Variants in WDR3 observed in about 807,000 individuals in gnomAD.
The protein encoded by WDR3 is WD repeat domain 3.
Under a neutral mutation model 123.7 loss-of-function variants are expected in WDR3, and 81 were observed. That is an observed-to-expected ratio of 0.65 (90% CI 0.55 to 0.79). The LOEUF (loss-of-function observed/expected upper bound fraction) is 0.79. Ranked by LOEUF, WDR3 falls within the 30% of genes least tolerant of loss-of-function variation. The probability of loss-of-function intolerance (pLI) is 0.00; values close to 1 mark genes in which losing one functional copy is unlikely to be tolerated. For missense variants in WDR3, 1,027 were observed against 1,123.2 expected (o/e 0.91, Z 1.22); for synonymous variants, 390 against 388.8 (o/e 1.00, Z -0.04).
chr1:117,952,692 G>T (rs759931011), intron 19 of WDR3, 30 bp downstream of exon 19: 1 of 1,607,686 alleles, frequency 6.2e-7, no homozygotes. Context: ...TTACAAATAT[G>T]CCAGTAGGTA....
chr1:117,942,548 A>C lies in WDR3; in HGVS notation c.1097+4A>C, dbSNP rs903036897. ...TAAAAACTTCTGCCAAAATCAAGTG[A>C]GTAAAAATAAATTATCTGAAGTTAT... On this transcript the variant is annotated splice_donor_region_variant and intron_variant, in intron 10 of 26. Transcript: ENST00000349139. The C allele has an allele frequency of 1.2e-6, 2 of 1,609,542 alleles. No homozygotes were observed. The highest frequency in any genetic ancestry group is 2.7e-5 in the African/African-American group (2 of 74,834).
At position 117,934,674 on chromosome 1, in the gene WDR3, G is replaced by A; in HGVS notation, c.373G>A (p.Gly125Arg). The A allele has an allele frequency of 6.2e-7, 1 of 1,613,094 alleles. No individual in the cohort carries two copies. Among genetic ancestry groups the A allele is most frequent in the Non-Finnish European group, 8.5e-7 (1 of 1,179,862 alleles). The change falls in exon 3 of 27, where the codon GGG (glycine) becomes AGG (arginine). Residue 125 changes from glycine (G) to arginine (R), a missense_variant. Coordinates refer to ENST00000349139, the MANE Select transcript of WDR3 (RefSeq NM_006784.3). Reference protein sequence around the residue: ...YDQLGGRLASGSKDTDIIVWD... With the variant: ...YDQLGGRLASRSKDTDIIVWD... ...TCAGCTAGGAGGCAGACTGGCATCT[G>A]GGTCCAAGGTGAGCCTTTGAATCAG... is the stretch of plus-strand genomic sequence containing the variant.
chr1:117,957,290 T>C, intron 25 of WDR3, 94 bp downstream of exon 25: 1 of 1,429,384 alleles, frequency 7.0e-7, no homozygotes, highest in Middle Eastern at 1.8e-4. Context: ...GATTAAGAAA[T>C]AGTATGCCGA....
At position 117,963,596 on chromosome 1, in the gene WDR3, C is replaced by G. The variant is rs1653407262; in HGVS notation, c.*4149C>G. 1 of 364,684 alleles carries G rather than the reference C, an allele frequency of 2.7e-6. No individual in the cohort carries two copies. Among genetic ancestry groups the G allele is most frequent in the South Asian group, 4.4e-5 (1 of 22,652 alleles). The allele number at this position is 364,684 out of a possible 1,614,324, so 22.6% of individuals were successfully genotyped here. A position where few individuals can be genotyped will look rare whatever the true frequency, so the allele number is the denominator to read the frequency against. ...AGCCAGGATGGTCTCGATCTCCTGACCTTGTGATCCACCCACCTCGGCCTC... is the reference window on the plus strand; with the variant it reads ...AGCCAGGATGGTCTCGATCTCCTGAGCTTGTGATCCACCCACCTCGGCCTC... On this transcript the variant is annotated 3_prime_UTR_variant, in exon 27 of 27. Transcript: ENST00000349139.
chr1:117,952,475 A>G (rs1651659498), intron 18 of WDR3, 53 bp from the exon 19 acceptor site: 3 of 1,600,098 alleles, frequency 1.9e-6, no homozygotes, highest in Admixed American at 1.7e-5. Context: ...TACATTACCC[A>G]CTAAGTAGTG....
intron 3 of WDR3, among the ~76,000 whole-genome samples, 187 bp downstream of exon 3, chr1:117,934,869 CAT>C (rs1650859527): frequency 1.3e-5 from 2 of 152,114 alleles, no homozygotes; most frequent in African/African-American, 4.8e-5. Flanking sequence ...TTCATTTTGT[CAT>C]ATTTTCTGAT....
At chr1:117,944,733 G>A (rs1421263070) in intron 11 of WDR3, among the ~76,000 whole-genome samples, 3 of 152,088 alleles carry the variant, frequency 2.0e-5, no homozygotes, top group East Asian at 1.9e-4. Context: ...ACAGAGGCTC[G>A]CTCTGTCGCC....
chr1:117,946,662 C>G (rs980819319), intron 12 of WDR3, among the ~76,000 whole-genome samples: 2 of 151,984 alleles, frequency 1.3e-5, no homozygotes, highest in Non-Finnish European at 1.5e-5. Context: ...GTAATTTGGG[C>G]CGGGCGCAGT....
In WDR3 at chr1:117,939,592, A is replaced by G. The variant is rs772085364; in HGVS notation, c.675+20A>G. 6 of 1,608,776 alleles carry G rather than the reference A, an allele frequency of 3.7e-6. No homozygotes were observed. The highest frequency in any genetic ancestry group is 1.1e-5 in the South Asian group (1 of 90,986). On this transcript the variant is annotated intron_variant, in intron 6 of 26. Transcript: ENST00000349139. ...CAAGAGGTAATTACTTCTTAAAATCATGGGCAATATGTTTAGAAGTTTCAT... is the reference window on the plus strand; with the variant it reads ...CAAGAGGTAATTACTTCTTAAAATCGTGGGCAATATGTTTAGAAGTTTCAT...
At position 117,952,413 on chromosome 1, in the gene WDR3, C is replaced by T. The variant is rs865792485; in HGVS notation, c.2016+5C>T. The stretch of plus-strand genomic sequence containing the variant: ...GAACACATACAGACTCTGGAGGTAA[C>T]CACATGCCTTCTGTGCTTGCTTGGT... On this transcript the variant is annotated splice_donor_5th_base_variant and intron_variant, in intron 18 of 26. Coordinates refer to ENST00000349139, the MANE Select transcript of WDR3 (RefSeq NM_006784.3). 1 of 1,609,396 alleles carries T rather than the reference C, an allele frequency of 6.2e-7. No individual in the cohort carries two copies. Among genetic ancestry groups the T allele is most frequent in the Non-Finnish European group, 8.5e-7 (1 of 1,178,060 alleles).
chr1:117,964,062 C>T lies in WDR3; in HGVS notation c.*4615C>T. The T allele has an allele frequency of 9.2e-7, 1 of 1,083,458 alleles. No homozygotes were observed. The highest frequency in any genetic ancestry group is 1.3e-6 in the Non-Finnish European group (1 of 755,080). 67.1% of individuals were successfully genotyped at this position (1,083,458 alleles called of 1,614,324 possible). A position where few individuals can be genotyped will look rare whatever the true frequency, so the allele number is the denominator to read the frequency against. Reference sequence around the variant, plus strand: ...CATCAGTTCAATTTTAGGTAACTGTCTATCCAATGCAAATTCTGCATGCTC... The same window carrying T: ...CATCAGTTCAATTTTAGGTAACTGTTTATCCAATGCAAATTCTGCATGCTC... On this transcript the variant is annotated 3_prime_UTR_variant, in exon 27 of 27. Transcript: ENST00000349139.
rs1652916845 is a variant in WDR3 at position 117,960,452 on chromosome 1, A to G, written c.*1005A>G. 1 of 152,208 alleles carries G rather than the reference A, an allele frequency of 6.6e-6. No individual in the cohort carries two copies. Among genetic ancestry groups the G allele is most frequent in the South Asian group, 2.1e-4 (1 of 4,830 alleles). The allele number at this position is 152,208 out of a possible 1,614,324, so 9.4% of individuals were successfully genotyped here. ...ATAAGTGTATGTCATCTGTTTATAA[A>G]ATGAATTGTCTGTCTGGATTGGCAG... On this transcript the variant is annotated 3_prime_UTR_variant, in exon 27 of 27. Coordinates refer to ENST00000349139, the MANE Select transcript of WDR3 (RefSeq NM_006784.3).
intron 7 of WDR3, 49 bp downstream of exon 7, chr1:117,940,989 GT>G: frequency 6.3e-7 from 1 of 1,585,118 alleles, no homozygotes; most frequent in South Asian, 1.1e-5. Context: ...TAATGGGAAA[GT>G]AAGAATTGCA....
Position 117,941,203 on chromosome 1 carries a change from C to T in WDR3, c.869C>T (p.Thr290Ile). The change falls in exon 8 of 27, where the codon ACA (threonine) becomes ATA (isoleucine). Residue 290 changes from threonine (T) to isoleucine (I), a missense_variant. Thr to Ile is a moderately conservative substitution (Grantham distance 89). Coordinates refer to ENST00000349139, the MANE Select transcript of WDR3 (RefSeq NM_006784.3). ...GTTGTAAACCTTGCAGTCGACAAGACAGGCAGGATTCTTGCTTGCCATGTG... is the reference window on the plus strand; with the variant it reads ...GTTGTAAACCTTGCAGTCGACAAGATAGGCAGGATTCTTGCTTGCCATGTG... ...DRVVNLAVDK[T>I]GRILACHGTD... 6.2e-7 allele frequency: 1 copy of T among 1,614,110 alleles called. No individual in the cohort carries two copies. Among genetic ancestry groups the T allele is most frequent in the African/African-American group, 1.3e-5 (1 of 75,040 alleles).
chr1:117,943,605 A>G lies in WDR3; in HGVS notation c.1307A>G (p.Asp436Gly). Residue 436 changes from aspartate (D) to glycine (G), a missense_variant, in exon 11 of 27, where the codon GAT becomes GGT. By Grantham distance (94) the Asp-to-Gly change is moderately conservative (BLOSUM62 -1). Transcript: ENST00000349139. ...DNIAVLSAAA[D>G]SIKIWNRSTL... The stretch of plus-strand genomic sequence containing the variant: ...ATTGCTGTTCTTTCAGCTGCAGCTG[A>G]TTCCATTAAAATATGGAACAGGTTC... The G allele has an allele frequency of 6.2e-7, 1 of 1,614,118 alleles. No homozygotes were observed. The highest frequency in any genetic ancestry group is 8.5e-7 in the Non-Finnish European group (1 of 1,180,010).
chr1:117,954,212 ATCTT>A, intron 22 of WDR3, 113 bp downstream of exon 22: 2 of 886,956 alleles, frequency 2.3e-6, no homozygotes, highest in Non-Finnish European at 3.4e-6. Context: ...ATGGAATAGA[ATCTT>A]TCCAACTCAC....
intron 13 of WDR3, 60 bp downstream of exon 13, chr1:117,948,566 C>T (rs1424315250): frequency 4.7e-6 from 6 of 1,289,486 alleles, no homozygotes; most frequent in Non-Finnish European, 6.4e-6. Context: ...TGATTTCTCT[C>T]AGGGTTTCTT....
At chr1:117,945,871 G>A (rs111971592) in intron 11 of WDR3, among the ~76,000 whole-genome samples, 13 of 152,278 alleles carry the variant, frequency 8.5e-5, no homozygotes, top group African/African-American at 3.1e-4. Flanking sequence ...TGTGATTTCT[G>A]TTCCTTAGGA....
intron 1 of WDR3, among the ~76,000 whole-genome samples, chr1:117,931,752 G>A (rs1289068058): frequency 1.3e-5 from 2 of 152,166 alleles, no homozygotes; most frequent in Admixed American, 1.3e-4. Context: ...GAGGAATTGG[G>A]AAAGAATTAA....
Sources: allele counts gnomAD v4.1 joint callset (sites outside exome capture counted in the v4.1 genomes callset), GRCh38; gene constraint gnomAD v4.1.1; transcripts MANE v1.5; gene names NCBI Gene and HGNC (gene_info 2026-07-23, HGNC 2026-07-21).